The following TLK2 variants were observed in gnomAD, a reference collection of about 807,000 sequenced individuals.
TLK2 encodes the protein tousled like kinase 2, also known as serine/threonine-protein kinase tousled-like 2.
A neutral mutation model predicts 117.3 loss-of-function variants in TLK2; 6 were observed. The observed-to-expected ratio is 0.05, with a 90% confidence interval of 0.03 to 0.10. The LOEUF (loss-of-function observed/expected upper bound fraction) is 0.10. Ranked by LOEUF, TLK2 falls within the 10% of genes least tolerant of loss-of-function variation. The pLI, the probability that TLK2 is intolerant of heterozygous loss-of-function variation, is 1.00. For missense variants in TLK2, 299 were observed against 901.2 expected (o/e 0.33, Z 8.56); for synonymous variants, 257 against 316.7 (o/e 0.81, Z 2.00).
At chr17:62,508,242 A>G (rs1236200229) in intron 2 of TLK2, among the ~76,000 whole-genome samples, 1 of 140,954 alleles carries the variant, frequency 7.1e-6, no homozygotes, top group African/African-American at 2.6e-5. Context: ...TGATATGGAT[A>G]TTAGTAAGCA....
intron 2 of TLK2, among the ~76,000 whole-genome samples, chr17:62,508,167 A>AAT (rs2074862198): frequency 1.4e-5 from 1 of 71,326 alleles, no homozygotes. Flanking sequence ...AAAATTTCCT[A>AAT]GTTTTTTTTT....
At chr17:62,494,417 T>C (rs1473418918) in intron 2 of TLK2, among the ~76,000 whole-genome samples, 2 of 152,202 alleles carry the variant, frequency 1.3e-5, no homozygotes, top group Admixed American at 6.5e-5. Context: ...CATCAGTACC[T>C]GGCTGATTTT....
At chr17:62,597,117 T>G (rs895149987) in intron 17 of TLK2, 12 of 155,700 alleles carry the variant, frequency 7.7e-5, no homozygotes, top group Non-Finnish European at 1.6e-4. Context: ...ATTTTAGAAT[T>G]TTTTCACCAT....
At chr17:62,606,919 C>T (rs2083343826) in intron 20 of TLK2, among the ~76,000 whole-genome samples, 1 of 151,020 alleles carries the variant, frequency 6.6e-6, no homozygotes, top group Admixed American at 6.6e-5. Flanking sequence ...GATGGGAGTT[C>T]TGTGTGTCCT....
rs2084015920 is a variant in TLK2 at position 62,614,823 on chromosome 17, G to C, written c.*2258G>C. On this transcript the variant is annotated 3_prime_UTR_variant, in exon 22 of 22. Transcript: ENST00000346027. ...CTAAGCAAAGGGTCTCACAGGTCGA[G>C]CACAGTGCTGAGAGGATGGTGTCTG... 1 of 152,170 alleles carries C rather than the reference G, an allele frequency of 6.6e-6. No individual in the cohort carries two copies. The highest frequency in any genetic ancestry group is 1.5e-5 in the Non-Finnish European group (1 of 68,036). 9.4% of individuals were successfully genotyped at this position (152,170 alleles called of 1,614,324 possible). A position where few individuals can be genotyped will look rare whatever the true frequency, so the allele number is the denominator to read the frequency against.
At position 62,517,351 on chromosome 17, in the gene TLK2, C is replaced by T. The variant is rs952967849; in HGVS notation, c.82-3422C>T. On this transcript the variant is annotated intron_variant, in intron 2 of 21. Transcript: ENST00000346027. Reference sequence around the variant, plus strand: ...CTGTCTGTCTTTAATGCCAATACCACGATGTTTTGATTACTATAGCTTTGT... The same window carrying T: ...CTGTCTGTCTTTAATGCCAATACCATGATGTTTTGATTACTATAGCTTTGT... 1.3e-4 allele frequency among the ~76,000 whole-genome samples: 20 copies of T among 152,162 alleles called. 1 individual carries two copies. Among genetic ancestry groups the T allele is most frequent in the Admixed American group, 2.6e-4 (4 of 15,274 alleles).
upstream of TLK2, chr17:62,477,598 CTGT>C (rs909750598): frequency 2.0e-5 from 3 of 152,198 alleles, no homozygotes; most frequent in Non-Finnish European, 4.4e-5. Flanking sequence ...AAGTTCAAGG[CTGT>C]TGTTCAAGGT....
intron 2 of TLK2, among the ~76,000 whole-genome samples, chr17:62,490,111 T>C (rs1193494957): frequency 1.3e-5 from 2 of 152,284 alleles, no homozygotes; most frequent in South Asian, 2.1e-4. Context: ...ATTACAGGCA[T>C]GGGCCATCAC....
intron 11 of TLK2, among the ~76,000 whole-genome samples, chr17:62,569,297 G>A (rs1190565023): frequency 6.9e-6 from 1 of 144,950 alleles, no homozygotes; most frequent in South Asian, 2.2e-4. Context: ...GTGAGACTTC[G>A]TCTCCAAAAA....
chr17:62,482,506 G>A (rs2071800635), intron 2 of TLK2, among the ~76,000 whole-genome samples: 2 of 150,292 alleles, frequency 1.3e-5, no homozygotes, highest in Admixed American at 1.3e-4. Flanking sequence ...CTGGAGTGCA[G>A]TGGCACAATC....
chr17:62,518,693 G>C (rs984707292), intron 2 of TLK2, among the ~76,000 whole-genome samples: 1 of 151,630 alleles, frequency 6.6e-6, no homozygotes, highest in Non-Finnish European at 1.5e-5. Flanking sequence ...GCTACAGAGC[G>C]AGACTCCGTC....
intron 10 of TLK2, among the ~76,000 whole-genome samples, chr17:62,560,709 A>C (rs2079195011): frequency 6.7e-6 from 1 of 148,502 alleles, no homozygotes; most frequent in Non-Finnish European, 1.5e-5. Flanking sequence ...GCTGGAGTGC[A>C]GTGGCATGAT....
At chr17:62,548,240 A>ATATGTGTGTGTGTGTGTG (rs368516607) in intron 7 of TLK2, among the ~76,000 whole-genome samples, 2 of 121,234 alleles carry the variant, frequency 1.6e-5, no homozygotes, top group Admixed American at 9.2e-5. Context: ...ATATATATAT[A>ATATGTGTGTGTGTGTGTG]TGTGTGTGTG....
chr17:62,605,554 G>A (rs2083227599), intron 19 of TLK2, among the ~76,000 whole-genome samples: 1 of 151,992 alleles, frequency 6.6e-6, no homozygotes, highest in Admixed American at 6.6e-5. Context: ...TGTATTTTTA[G>A]TAGAGATAGG....
chr17:62,564,879 C>A, intron 10 of TLK2, 122 bp from the exon 11 acceptor site: 2 of 1,268,820 alleles, frequency 1.6e-6, no homozygotes, highest in Non-Finnish European at 2.1e-6. Flanking sequence ...ACTGACTGTT[C>A]TGAGAAGTGT....
chr17:62,496,736 A>C (rs1428193664), intron 2 of TLK2, among the ~76,000 whole-genome samples: 2 of 152,080 alleles, frequency 1.3e-5, no homozygotes, highest in African/African-American at 4.8e-5. Flanking sequence ...CAGGTGGATC[A>C]CGAGGTCAGG....
At chr17:62,522,455 G>C (rs898361010) in intron 4 of TLK2, among the ~76,000 whole-genome samples, 182 bp downstream of exon 4, 3 of 152,250 alleles carry the variant, frequency 2.0e-5, no homozygotes, top group African/African-American at 7.2e-5. Flanking sequence ...TGACAGAACA[G>C]TGTTAGTTCT....
intron 10 of TLK2, among the ~76,000 whole-genome samples, chr17:62,561,207 T>A (rs1319333440): frequency 6.6e-6 from 1 of 152,246 alleles, no homozygotes; most frequent in Non-Finnish European, 1.5e-5. Flanking sequence ...ATGTGCCACA[T>A]TTTCTTAATC....
At chr17:62,577,194 G>A (rs1478750234) in intron 13 of TLK2, among the ~76,000 whole-genome samples, 1 of 152,036 alleles carries the variant, frequency 6.6e-6, no homozygotes, top group African/African-American at 2.4e-5. Flanking sequence ...CTGACCTCAA[G>A]TAATCCTCCT....
Sources: allele counts gnomAD v4.1 joint callset (sites outside exome capture counted in the v4.1 genomes callset), GRCh38; gene constraint gnomAD v4.1.1; transcripts MANE v1.5; gene names NCBI Gene and HGNC (gene_info 2026-07-23, HGNC 2026-07-21).